Variants in SLX4IP observed in about 807,000 individuals in gnomAD.
SLX4IP encodes SLX4 interacting protein.
A neutral mutation model predicts 32.9 loss-of-function variants in SLX4IP; 34 were observed. The ratio of observed to expected loss-of-function variants is 1.03; its 90% CI spans 0.79 to 1.38. The LOEUF (loss-of-function observed/expected upper bound fraction) is 1.38. Among genes scored for constraint, SLX4IP ranks in the 40% most tolerant of loss-of-function variants. The pLI is 0.00. For synonymous variants in SLX4IP, 172 were observed against 171.7 expected (o/e 1.00, Z -0.01); for missense variants, 444 against 479.0 (o/e 0.93, Z 0.68).
At chr20:10,460,549 C>T (rs905192003) in intron 2 of SLX4IP, among the ~76,000 whole-genome samples, 5 of 152,228 alleles carry the variant, frequency 3.3e-5, no homozygotes, top group Non-Finnish European at 7.4e-5. Context: ...GCCTGTTCTG[C>T]ATGGCTTGGG....
rs575855282 is a variant in SLX4IP at position 10,549,358 on chromosome 20, C to T, written c.28-6873C>T. 3.9e-5 allele frequency among the ~76,000 whole-genome samples: 6 copies of T among 152,162 alleles called. No homozygotes were observed. The East Asian group carries it at 9.6e-4, about 24-fold the overall frequency. ...GCATGGGGCCCTACAGTGAGCTCTC[C>T]GTATCTGTGTTGGAATGGAATCAGA... On this transcript the variant is annotated intron_variant, in intron 2 of 7. Coordinates refer to ENST00000334534, the MANE Select transcript of SLX4IP (RefSeq NM_001009608.3).
chr20:10,511,793 G>C (rs542458422), intron 2 of SLX4IP, among the ~76,000 whole-genome samples: 1 of 152,328 alleles, frequency 6.6e-6, no homozygotes, highest in South Asian at 2.1e-4. Context: ...TGTGTGTGGA[G>C]ACCACAGTGG....
Position 10,478,168 on chromosome 20 carries a change from G to A in SLX4IP, c.27+19937G>A, listed in dbSNP as rs566398615. Among the ~76,000 whole-genome samples, 7 of 152,212 alleles carry A rather than the reference G, an allele frequency of 4.6e-5. No homozygotes were observed. In the East Asian group the frequency reaches 9.7e-4, roughly 21 times the overall value. On this transcript the variant is annotated intron_variant, in intron 2 of 7. Transcript: ENST00000334534. ...CCCGCCTCAGCCTCCCAAAGTGCTC[G>A]GATTACAGGTGTGAGCCACCGCGCC... is the stretch of plus-strand genomic sequence containing the variant.
At position 10,624,612 on chromosome 20, in the gene SLX4IP, CTAAG is replaced by C. The variant is rs2067152936; in HGVS notation, c.*1237_*1240del. The C allele has an allele frequency of 6.6e-6, 1 of 151,644 alleles. No individual in the cohort carries two copies. The highest frequency in any genetic ancestry group is 1.5e-5 in the Non-Finnish European group (1 of 67,948). 9.4% of individuals were successfully genotyped at this position (151,644 alleles called of 1,614,324 possible). A position where few individuals can be genotyped will look rare whatever the true frequency, so the allele number is the denominator to read the frequency against. ...GTGGTCCTTTGAAATGGCACCTCCC[CTAAG>C]TAATAAGGAAAACCAAGTATATTCC... On this transcript the variant is annotated 3_prime_UTR_variant, in exon 8 of 8. Coordinates refer to ENST00000334534, the MANE Select transcript of SLX4IP (RefSeq NM_001009608.3).
chr20:10,526,874 G>T (rs1050023964), intron 2 of SLX4IP, among the ~76,000 whole-genome samples: 1 of 152,232 alleles, frequency 6.6e-6, no homozygotes, highest in Admixed American at 6.5e-5. Context: ...ACTGCTTGAG[G>T]CTGGGAGGCA....
chr20:10,597,256 G>T (rs1219408105), intron 4 of SLX4IP, among the ~76,000 whole-genome samples: 1 of 152,226 alleles, frequency 6.6e-6, no homozygotes, highest in African/African-American at 2.4e-5. Flanking sequence ...ACTCCAGTTT[G>T]ACAGAGGGGG....
intron 4 of SLX4IP, among the ~76,000 whole-genome samples, chr20:10,562,393 T>C (rs147842234): frequency 0.012 from 1,766 of 152,290 alleles, 36 homozygotes; most frequent in African/African-American, 0.04. Context: ...CGACTGCCCC[T>C]GGCAGAATTT....
rs1362962332 is a variant in SLX4IP, at chr20:10,626,100, C to T, written c.*2721C>T. ...GGCGATCTTGGCTCACTGCAAGCTC[C>T]GCCTCCTGGGTTCACGTCATTCTCC... On this transcript the variant is annotated 3_prime_UTR_variant, in exon 8 of 8. Coordinates refer to ENST00000334534, the MANE Select transcript of SLX4IP (RefSeq NM_001009608.3). 4 of 147,694 alleles carry T rather than the reference C, an allele frequency of 2.7e-5. No homozygotes were observed. The highest frequency in any genetic ancestry group is 7.5e-5 in the African/African-American group (3 of 39,990). The allele number at this position is 147,694 out of a possible 1,614,324, so 9.1% of individuals were successfully genotyped here. A position where few individuals can be genotyped will look rare whatever the true frequency, so the allele number is the denominator to read the frequency against.
chr20:10,489,322 C>G (rs1435875955), intron 2 of SLX4IP, among the ~76,000 whole-genome samples: 3 of 152,010 alleles, frequency 2.0e-5, no homozygotes, highest in African/African-American at 7.3e-5. Flanking sequence ...ACCACCACCC[C>G]CCTCTTCACC....
chr20:10,518,444 T>C (rs1284844069), intron 2 of SLX4IP, among the ~76,000 whole-genome samples: 830 of 82,520 alleles, frequency 0.01, 37 homozygotes, highest in Middle Eastern at 0.025. Context: ...TCCTTCTTCC[T>C]TCCTTCCTTC....
At chr20:10,462,928 A>C (rs916923436) in intron 2 of SLX4IP, among the ~76,000 whole-genome samples, 1 of 152,210 alleles carries the variant, frequency 6.6e-6, no homozygotes, top group African/African-American at 2.4e-5. Context: ...CAAAATATGA[A>C]CACTCAAAAG....
chr20:10,495,003 AC>A (rs2065654670), intron 2 of SLX4IP, among the ~76,000 whole-genome samples: 1 of 152,196 alleles, frequency 6.6e-6, no homozygotes, highest in Admixed American at 6.5e-5. Context: ...ACAAAAAAAG[AC>A]AAGTGAGATG....
chr20:10,498,817 C>G (rs1322209483), intron 2 of SLX4IP, among the ~76,000 whole-genome samples: 2 of 151,364 alleles, frequency 1.3e-5, no homozygotes, highest in African/African-American at 4.9e-5. Flanking sequence ...TTTGAAAATC[C>G]TCTAATTTTT....
intron 4 of SLX4IP, among the ~76,000 whole-genome samples, chr20:10,565,861 C>T (rs1392295136): frequency 6.6e-6 from 1 of 152,188 alleles, no homozygotes; most frequent in Non-Finnish European, 1.5e-5. Context: ...GTCCCAGCTC[C>T]AAGTCCAGGA....
At chr20:10,441,404 T>C (rs2065158710) in intron 1 of SLX4IP, among the ~76,000 whole-genome samples, 1 of 152,160 alleles carries the variant, frequency 6.6e-6, no homozygotes, top group African/African-American at 2.4e-5. Context: ...GCCACTGCAC[T>C]GCAGCCCGGG....
intron 2 of SLX4IP, among the ~76,000 whole-genome samples, chr20:10,491,606 ACTTT>A (rs1433553424): frequency 2.0e-5 from 3 of 152,202 alleles, no homozygotes; most frequent in South Asian, 4.1e-4. Flanking sequence ...TCTGAAGATT[ACTTT>A]CTTTTTTAAT....
rs1169701588 is a variant in SLX4IP, at chr20:10,624,918, C to T, written c.*1539C>T. On this transcript the variant is annotated 3_prime_UTR_variant, in exon 8 of 8. Coordinates refer to ENST00000334534, the MANE Select transcript of SLX4IP (RefSeq NM_001009608.3). ...GATACTGTTACTTTAATGTTCCAAACCCTGCCTAGAAACCTGTTCCTGTCC... is the reference window on the plus strand; with the variant it reads ...GATACTGTTACTTTAATGTTCCAAATCCTGCCTAGAAACCTGTTCCTGTCC... 6.6e-6 allele frequency: 1 copy of T among 152,244 alleles called. No individual in the cohort carries two copies. Among genetic ancestry groups the T allele is most frequent in the East Asian group, 1.9e-4 (1 of 5,196 alleles). The allele number at this position is 152,244 out of a possible 1,614,324, so 9.4% of individuals were successfully genotyped here. A position where few individuals can be genotyped will look rare whatever the true frequency, so the allele number is the denominator to read the frequency against.
intron 2 of SLX4IP, among the ~76,000 whole-genome samples, chr20:10,524,716 G>A (rs1165200172): frequency 6.6e-6 from 1 of 152,198 alleles, no homozygotes; most frequent in Non-Finnish European, 1.5e-5. Context: ...TCAAGAAGGA[G>A]GACTGGGCTC....
At chr20:10,483,964 CTA>C (rs1385300331) in intron 2 of SLX4IP, among the ~76,000 whole-genome samples, 1 of 152,086 alleles carries the variant, frequency 6.6e-6, no homozygotes, top group East Asian at 1.9e-4. Context: ...ACATACTTTG[CTA>C]TGTTTCCTCC....
Sources: allele counts gnomAD v4.1 joint callset (sites outside exome capture counted in the v4.1 genomes callset), GRCh38; gene constraint gnomAD v4.1.1; transcripts MANE v1.5; gene names NCBI Gene and HGNC (gene_info 2026-07-23, HGNC 2026-07-21).